Variants in BRCA1 observed in about 807,000 individuals in gnomAD.
BRCA1 encodes BRCA1 DNA repair associated, also known as breast cancer type 1 susceptibility protein.
A neutral mutation model predicts 173.7 loss-of-function variants in BRCA1; 140 were observed. The ratio of observed to expected loss-of-function variants is 0.81; its 90% CI spans 0.70 to 0.93. The LOEUF is 0.93. Among genes scored for constraint, BRCA1 ranks in the 40% least tolerant of loss-of-function variants. BRCA1 has a pLI of 0.00. For missense variants in BRCA1, 1,983 were observed against 2,172.5 expected (o/e 0.91, Z 1.73); for synonymous variants, 662 against 756.0 (o/e 0.88, Z 2.04).
At chr17:43,121,122 T>C (rs925240269) in intron 2 of BRCA1, among the ~76,000 whole-genome samples, 2 of 143,136 alleles carry the variant, frequency 1.4e-5, no homozygotes, top group Non-Finnish European at 3.0e-5. Flanking sequence ...AGGACTGTAA[T>C]CCCAGCACTT....
At chr17:43,100,633 T>TAA (rs1491102232) in intron 6 of BRCA1, among the ~76,000 whole-genome samples, 2 of 52,300 alleles carry the variant, frequency 3.8e-5, no homozygotes, top group South Asian at 6.3e-4. Flanking sequence ...ATATATATGT[T>TAA]ATATATATAT....
chr17:43,092,012 A>G lies in BRCA1; in HGVS notation c.3519T>C (p.Ser1173=), dbSNP rs1597863152. 1 of 1,614,044 alleles carries G rather than the reference A, an allele frequency of 6.2e-7. No homozygotes were observed. The highest frequency in any genetic ancestry group is 8.5e-7 in the Non-Finnish European group (1 of 1,179,998). The part of the protein sequence containing the change: ...TSFAENDIKE[S]SAVFSKSVQK... Reference sequence around the variant, plus strand: ...GGACGCTTTTGCTAAAAACAGCAGAACTTTCCTTAATGTCATTTTCAGCAA... The same window carrying G: ...GGACGCTTTTGCTAAAAACAGCAGAGCTTTCCTTAATGTCATTTTCAGCAA... Residue 1173 remains serine, a synonymous_variant, in exon 10 of 23, where the codon AGT becomes AGC. Coordinates refer to ENST00000357654, the MANE Select transcript of BRCA1 (RefSeq NM_007294.4).
chr17:43,060,484 G>A (rs969405705), intron 18 of BRCA1, among the ~76,000 whole-genome samples: 3 of 151,428 alleles, frequency 2.0e-5, no homozygotes, highest in African/African-American at 4.8e-5. Context: ...CACTGTGCCC[G>A]AACCTTTTAT....
chr17:43,067,036 T>G (rs1361337461), intron 16 of BRCA1, among the ~76,000 whole-genome samples: 2 of 151,578 alleles, frequency 1.3e-5, no homozygotes, highest in African/African-American at 4.8e-5. Flanking sequence ...CAGGCTGGTC[T>G]CGAACTCCTG....
intron 6 of BRCA1, among the ~76,000 whole-genome samples, chr17:43,101,563 C>T (rs922475693): frequency 6.6e-6 from 1 of 152,034 alleles, no homozygotes; most frequent in Non-Finnish European, 1.5e-5. Context: ...AGTGCAGTGG[C>T]GCGATCTTGG....
At chr17:43,124,155 A>C (rs760677679) in intron 1 of BRCA1, 40 bp from the exon 2 acceptor site, 6 of 1,165,742 alleles carry the variant, frequency 5.1e-6, no homozygotes. Context: ...TATCTTTTTA[A>C]AAGGTTTATA....
At chr17:43,131,548 C>T (rs1461008812) in intron 1 of BRCA1, among the ~76,000 whole-genome samples, 4 of 151,830 alleles carry the variant, frequency 2.6e-5, no homozygotes, top group Admixed American at 6.6e-5. Context: ...TATTGAACCC[C>T]GTCTCTACTA....
intron 13 of BRCA1, among the ~76,000 whole-genome samples, chr17:43,075,626 G>A (rs571661474): frequency 2.6e-5 from 4 of 151,550 alleles, no homozygotes; most frequent in Non-Finnish European, 5.9e-5. Context: ...GCAATGGCAC[G>A]GTCCCAGCTC....
At chr17:43,065,764 A>C (rs1342019527) in intron 16 of BRCA1, among the ~76,000 whole-genome samples, 1 of 152,204 alleles carries the variant, frequency 6.6e-6, no homozygotes, top group African/African-American at 2.4e-5. Context: ...GTTGAGCCAC[A>C]CAATCTGCAT....
intron 11 of BRCA1, 105 bp downstream of exon 11, chr17:43,090,839 T>TC (rs1470578827): frequency 1.9e-6 from 2 of 1,070,544 alleles, no homozygotes; most frequent in African/African-American, 3.1e-5. Flanking sequence ...ATTGTGCCAT[T>TC]AATTCAAAGA....
At chr17:43,153,271 T>C (rs890823511) in intron 1 of BRCA1, among the ~76,000 whole-genome samples, 1 of 152,126 alleles carries the variant, frequency 6.6e-6, no homozygotes, top group Non-Finnish European at 1.5e-5. Context: ...CAGTTGTATG[T>C]AAGAAAACCC....
chr17:43,059,675 C>A (rs1237005068), intron 18 of BRCA1, among the ~76,000 whole-genome samples: 1 of 152,092 alleles, frequency 6.6e-6, no homozygotes, highest in Non-Finnish European at 1.5e-5. Context: ...TTTCTCTTTA[C>A]CTTATCCTCC....
chr17:43,117,161 G>A (rs141883378), intron 2 of BRCA1, among the ~76,000 whole-genome samples: 9 of 152,310 alleles, frequency 5.9e-5, no homozygotes, highest in Non-Finnish European at 8.8e-5. Flanking sequence ...TAAGCTTAAG[G>A]CCGGGCATGG....
chr17:43,059,992 G>A (rs1167136394), intron 18 of BRCA1, among the ~76,000 whole-genome samples: 5 of 151,930 alleles, frequency 3.3e-5, no homozygotes, highest in Admixed American at 3.3e-4. Context: ...TGCAATCTCC[G>A]CCTCCTGGGT....
intron 1 of BRCA1, among the ~76,000 whole-genome samples, chr17:43,146,481 C>T (rs76297137): frequency 6.6e-6 from 1 of 150,866 alleles, no homozygotes; most frequent in Non-Finnish European, 1.5e-5. Context: ...GCTAATTTTT[C>T]GTATTTTTAG....
intron 20 of BRCA1, among the ~76,000 whole-genome samples, chr17:43,050,576 G>C (rs1166536779): frequency 1.0e-4 from 15 of 149,228 alleles, no homozygotes. Context: ...TCGCGCCATT[G>C]CACTCTGGCC....
intron 1 of BRCA1, among the ~76,000 whole-genome samples, chr17:43,147,814 C>CCT (rs35678438): frequency 0.51 from 77,860 of 151,900 alleles, 23,867 homozygotes; most frequent in African/African-American, 0.87. Context: ...AGATGAGTGC[C>CCT]CTCTCCAACA....
chr17:43,106,400 T>A, intron 4 of BRCA1, 56 bp downstream of exon 4: 2 of 1,163,818 alleles, frequency 1.7e-6, no homozygotes, highest in Non-Finnish European at 2.5e-6. Flanking sequence ...TTAAATAATT[T>A]CTACTTTTTC....
intron 12 of BRCA1, among the ~76,000 whole-genome samples, chr17:43,081,158 G>C (rs1264008808): frequency 6.6e-6 from 1 of 152,180 alleles, no homozygotes; most frequent in East Asian, 1.9e-4. Context: ...CATTATAATT[G>C]AAAGTCTAGT....
Sources: allele counts gnomAD v4.1 joint callset (sites outside exome capture counted in the v4.1 genomes callset), GRCh38; gene constraint gnomAD v4.1.1; transcripts MANE v1.5; gene names NCBI Gene and HGNC (gene_info 2026-07-23, HGNC 2026-07-21).